CHD6: variants seen among roughly 807,000 people sequenced by gnomAD.
CHD6 encodes the protein chromodomain helicase DNA binding protein 6.
CHD6 carries 50 observed loss-of-function variants against 276.9 expected under a neutral mutation model. That is an observed-to-expected ratio of 0.18 (90% CI 0.14 to 0.23). The LOEUF (loss-of-function observed/expected upper bound fraction) is 0.23, where lower values mean the gene tolerates loss of function less well. CHD6 is among the 10% of genes least tolerant of loss of function. The probability of loss-of-function intolerance (pLI) is 1.00; values close to 1 mark genes in which losing one functional copy is unlikely to be tolerated. For synonymous variants in CHD6, 1,173 were observed against 1,229.3 expected (o/e 0.95, Z 0.96); for missense variants, 2,564 against 3,365.8 (o/e 0.76, Z 5.89).
chr20:41,447,975 T>G lies in CHD6; in HGVS notation c.3684-4A>C. The G allele has an allele frequency of 6.3e-7, 1 of 1,588,636 alleles. No homozygotes were observed. Among genetic ancestry groups the G allele is most frequent in the South Asian group, 1.1e-5 (1 of 89,550 alleles). On this transcript the variant is annotated splice_region_variant and splice_polypyrimidine_tract_variant and intron_variant, in intron 23 of 36. Transcript: ENST00000373233. Reference sequence around the variant, plus strand: ...CATCCGGACTCGCAAAAGTACTCTATGAAAGGTGAACACATTAATGCAAAC... The same window carrying G: ...CATCCGGACTCGCAAAAGTACTCTAGGAAAGGTGAACACATTAATGCAAAC...
intron 3 of CHD6, among the ~76,000 whole-genome samples, chr20:41,531,113 T>A (rs1329911368): frequency 6.6e-6 from 1 of 152,236 alleles, no homozygotes; most frequent in African/African-American, 2.4e-5. Context: ...AATGTTTGCA[T>A]ACTCATCACT....
At chr20:41,461,800 G>C (rs1194903289) in intron 17 of CHD6, 6 of 152,470 alleles carry the variant, frequency 3.9e-5, no homozygotes, top group African/African-American at 1.4e-4. Flanking sequence ...GGGAGACCCA[G>C]ACCCCACTGA....
intron 28 of CHD6, 96 bp downstream of exon 28, chr20:41,425,997 T>A: frequency 2.2e-6 from 2 of 916,420 alleles, no homozygotes; most frequent in Non-Finnish European, 3.6e-6. Flanking sequence ...TAAAAGAGCC[T>A]CCTTAAAAAA....
chr20:41,555,842 G>C (rs1331514228), intron 1 of CHD6, among the ~76,000 whole-genome samples: 1 of 152,170 alleles, frequency 6.6e-6, no homozygotes, highest in Admixed American at 6.5e-5. Flanking sequence ...TCACTTCCCA[G>C]ACGGGGTGGC....
intron 3 of CHD6, among the ~76,000 whole-genome samples, chr20:41,523,996 A>G (rs968663730): frequency 1.3e-5 from 2 of 152,198 alleles, no homozygotes; most frequent in African/African-American, 4.8e-5. Context: ...CGTTACTACT[A>G]CAGCCACCGA....
intron 17 of CHD6, among the ~76,000 whole-genome samples, chr20:41,457,818 T>C (rs2048422249): frequency 6.6e-6 from 1 of 152,196 alleles, no homozygotes; most frequent in Admixed American, 6.5e-5. Flanking sequence ...ATTTTGCTAC[T>C]GAAATTTTCA....
intron 2 of CHD6, among the ~76,000 whole-genome samples, chr20:41,536,612 T>C (rs1166566377): frequency 6.6e-6 from 1 of 152,226 alleles, no homozygotes; most frequent in East Asian, 1.9e-4. Flanking sequence ...ATCTTCTTCA[T>C]CAGTTATAAC....
chr20:41,601,062 A>T (rs2045768469), intron 1 of CHD6, among the ~76,000 whole-genome samples: 1 of 152,200 alleles, frequency 6.6e-6, no homozygotes, highest in African/African-American at 2.4e-5. Context: ...AGGAATTTTC[A>T]CTTAATCTTT....
intron 17 of CHD6, among the ~76,000 whole-genome samples, chr20:41,461,241 T>C (rs776572116): frequency 2.0e-5 from 3 of 152,210 alleles, no homozygotes; most frequent in Non-Finnish European, 1.5e-5. Flanking sequence ...GACTTTGGAC[T>C]GTGGACTTTT....
At chr20:41,515,010 CAT>C in intron 3 of CHD6, 58 bp from the exon 4 acceptor site, 1 of 1,573,350 alleles carries the variant, frequency 6.4e-7, no homozygotes, top group Non-Finnish European at 8.7e-7. Context: ...TAAGATTTCT[CAT>C]GTGATCAACG....
chr20:41,570,601 T>C (rs1339256207), intron 1 of CHD6, among the ~76,000 whole-genome samples: 1 of 152,230 alleles, frequency 6.6e-6, no homozygotes, highest in Non-Finnish European at 1.5e-5. Context: ...TTCTAGATTC[T>C]CAGCCTTCTG....
intron 1 of CHD6, among the ~76,000 whole-genome samples, chr20:41,557,424 A>T (rs901367821): frequency 3.3e-5 from 5 of 151,072 alleles, no homozygotes; most frequent in Non-Finnish European, 4.4e-5. Context: ...TTTTTTTTTT[A>T]AATTACTATC....
At chr20:41,584,654 CAG>C (rs1288872620) in intron 1 of CHD6, among the ~76,000 whole-genome samples, 1 of 151,896 alleles carries the variant, frequency 6.6e-6, no homozygotes, top group Non-Finnish European at 1.5e-5. Flanking sequence ...TTGAAATTAA[CAG>C]AAAGATATCA....
At chr20:41,476,816 A>G (rs1373374170) in intron 16 of CHD6, among the ~76,000 whole-genome samples, 1 of 152,122 alleles carries the variant, frequency 6.6e-6, no homozygotes, top group African/African-American at 2.4e-5. Flanking sequence ...AAAAGAAAAA[A>G]AAAAGCTAAA....
In CHD6 at chr20:41,512,872, C is replaced by A; in HGVS notation, c.826G>T (p.Ala276Ser). Residue 276 changes from alanine (A) to serine (S), a missense_variant, in exon 5 of 37, where the codon GCC (alanine) becomes TCC (serine). Physicochemically the swap from Ala to Ser is moderately conservative, Grantham distance 99. Transcript: ENST00000373233. Reference sequence around the variant, plus strand: ...TCCGCCTGCCAGGCCAGTGTAGAGGCTGAGAGTGCAGATGTTCGACCAGCT... The same window carrying A: ...TCCGCCTGCCAGGCCAGTGTAGAGGATGAGAGTGCAGATGTTCGACCAGCT... ...LGAGRTSALS[A>S]STLAWQAEEP... The A allele has an allele frequency of 1.2e-6, 2 of 1,613,998 alleles. No homozygotes were observed. Among genetic ancestry groups the A allele is most frequent in the Non-Finnish European group, 1.7e-6 (2 of 1,179,912 alleles).
At chr20:41,514,592 C>A in intron 4 of CHD6, among the ~76,000 whole-genome samples, 1 of 152,122 alleles carries the variant, frequency 6.6e-6, no homozygotes, top group Non-Finnish European at 1.5e-5. Context: ...AGGAATGAGG[C>A]AAATACCACT....
chr20:41,548,560 A>T (rs2045088420), intron 2 of CHD6, among the ~76,000 whole-genome samples: 2 of 152,336 alleles, frequency 1.3e-5, no homozygotes, highest in Middle Eastern at 6.8e-3. Flanking sequence ...AACCTAGGCA[A>T]TACCATGCAG....
intron 20 of CHD6, among the ~76,000 whole-genome samples, chr20:41,453,888 G>A: frequency 6.6e-6 from 1 of 152,188 alleles, no homozygotes; most frequent in East Asian, 1.9e-4. Flanking sequence ...GCTGGTTACT[G>A]AATTAGCTAG....
At position 41,451,124 on chromosome 20, in the gene CHD6, A is replaced by G; in HGVS notation, c.3524-19T>C. ...GATAAGCCTGAAACAGAAAGACAGC[A>G]TAGGGCAAGTGGATAGCCAAGGGGG... On this transcript the variant is annotated intron_variant, in intron 22 of 36. Coordinates refer to ENST00000373233, the MANE Select transcript of CHD6 (RefSeq NM_032221.5). 1 of 1,611,144 alleles carries G rather than the reference A, an allele frequency of 6.2e-7. No homozygotes were observed. Among genetic ancestry groups the G allele is most frequent in the Non-Finnish European group, 8.5e-7 (1 of 1,178,066 alleles).
Sources: gnomAD v4.1 joint callset for allele counts (sites outside exome capture counted in the v4.1 genomes callset) on GRCh38, gnomAD v4.1.1 for gene constraint, MANE v1.5 for transcripts, NCBI Gene and HGNC (gene_info 2026-07-23, HGNC 2026-07-21) for gene names.